DLG5: variants seen among roughly 807,000 people sequenced by gnomAD.
DLG5 encodes disks large homolog 5.
DLG5 carries 48 observed loss-of-function variants against 189.8 expected under a neutral mutation model. The ratio of observed to expected loss-of-function variants is 0.25; its 90% CI spans 0.20 to 0.32. The LOEUF (loss-of-function observed/expected upper bound fraction) is 0.32. Among genes scored for constraint, DLG5 ranks in the 10% least tolerant of loss-of-function variants. The pLI, the probability that DLG5 is intolerant of heterozygous loss-of-function variation, is 1.00. For missense variants in DLG5, 2,160 were observed against 2,544.7 expected (o/e 0.85, Z 3.25); for synonymous variants, 1,016 against 1,054.1 (o/e 0.96, Z 0.70).
rs762790948 is a variant in DLG5 at position 77,811,189 on chromosome 10, A to G, written c.4368T>C (p.Ser1456=). Residue 1456 remains serine (S), a synonymous_variant, in exon 23 of 32, where the codon AGT becomes AGC. Transcript: ENST00000372391. ...ATGGATGCTCCGGGGTGGTGGTGCCACTGCCCTGGAGAGTGGAGTGGGTAC... is the reference window on the plus strand; with the variant it reads ...ATGGATGCTCCGGGGTGGTGGTGCCGCTGCCCTGGAGAGTGGAGTGGGTAC... ...PAGTHSTLQG[S]GTTTPEHPSV... The G allele has an allele frequency of 6.2e-7, 1 of 1,613,308 alleles. No individual in the cohort carries two copies. The highest frequency in any genetic ancestry group is 8.5e-7 in the Non-Finnish European group (1 of 1,179,950).
intron 1 of DLG5, among the ~76,000 whole-genome samples, chr10:77,899,491 T>C (rs894825375): frequency 2.0e-5 from 3 of 151,934 alleles, no homozygotes; most frequent in African/African-American, 7.3e-5. Flanking sequence ...ATGAGGAGAG[T>C]AGTGGCCTTC....
intron 2 of DLG5, among the ~76,000 whole-genome samples, chr10:77,857,890 G>A (rs11002317): frequency 0.28 from 41,911 of 152,108 alleles, 6,416 homozygotes; most frequent in Non-Finnish European, 0.35. Flanking sequence ...TGTCTGTTCC[G>A]CACTGGACCC....
chr10:77,844,285 A>C (rs1210890827), intron 5 of DLG5, among the ~76,000 whole-genome samples: 1 of 152,182 alleles, frequency 6.6e-6, no homozygotes, highest in Non-Finnish European at 1.5e-5. Context: ...GGAGGAATTA[A>C]GTGCCTCCGG....
chr10:77,830,949 C>A (rs531971218), intron 9 of DLG5, 76 bp from the exon 10 acceptor site: 5 of 1,533,742 alleles, frequency 3.3e-6, no homozygotes, highest in African/African-American at 1.4e-5. Context: ...CTGAACCTCA[C>A]GAGGCAGGCC....
At chr10:77,828,085 T>TAA (rs11437784) in intron 13 of DLG5, among the ~76,000 whole-genome samples, 12 of 150,850 alleles carry the variant, frequency 8.0e-5, no homozygotes, top group Admixed American at 2.0e-4. Flanking sequence ...TACATTTAGT[T>TAA]AAAAAAAAAG....
intron 1 of DLG5, among the ~76,000 whole-genome samples, chr10:77,871,286 G>A (rs1023572913): frequency 1.3e-5 from 2 of 152,106 alleles, no homozygotes; most frequent in Admixed American, 1.3e-4. Flanking sequence ...GGTATGAAAA[G>A]CCTGAGGGTG....
intron 1 of DLG5, among the ~76,000 whole-genome samples, chr10:77,914,541 C>T (rs2131846239): frequency 6.6e-6 from 1 of 152,248 alleles, no homozygotes; most frequent in South Asian, 2.1e-4. Context: ...AGATTTAAGC[C>T]CCAGTCTGTG....
intron 1 of DLG5, among the ~76,000 whole-genome samples, chr10:77,906,813 A>G (rs1482165547): frequency 2.0e-5 from 3 of 151,772 alleles, no homozygotes; most frequent in Admixed American, 6.6e-5. Flanking sequence ...TTCAGTAGAC[A>G]TGGGGTTTCA....
chr10:77,830,876 G>T lies in DLG5; in HGVS notation c.1749-3C>A. ...CCAACTGGGATTCCATCTGTTCCCT[G>T]TGAACAGAGAGAGCCACGGTGACAG... is the stretch of plus-strand genomic sequence containing the variant. On this transcript the variant is annotated splice_region_variant and splice_polypyrimidine_tract_variant and intron_variant, in intron 9 of 31. Transcript: ENST00000372391. 2 of 1,613,864 alleles carry T rather than the reference G, an allele frequency of 1.2e-6. No individual in the cohort carries two copies. The highest frequency in any genetic ancestry group is 2.7e-5 in the African/African-American group (2 of 75,036).
intron 1 of DLG5, among the ~76,000 whole-genome samples, chr10:77,908,064 C>G (rs574509608): frequency 1.3e-5 from 2 of 152,128 alleles, no homozygotes; most frequent in Non-Finnish European, 2.9e-5. Context: ...GTCACGGATC[C>G]CACTGCAGAG....
intron 6 of DLG5, among the ~76,000 whole-genome samples, chr10:77,842,613 G>A (rs544133788): frequency 6.6e-6 from 1 of 152,304 alleles, no homozygotes; most frequent in African/African-American, 2.4e-5. Context: ...AAGTTCGCTC[G>A]AAGAGCACAG....
intron 5 of DLG5, among the ~76,000 whole-genome samples, chr10:77,844,529 C>T (rs555103944): frequency 4.3e-4 from 66 of 152,320 alleles, no homozygotes; most frequent in African/African-American, 1.5e-3. Context: ...TAGGGTGACC[C>T]TCCATGGTGT....
chr10:77,914,925 A>G (rs1304997377), intron 1 of DLG5, among the ~76,000 whole-genome samples: 1 of 152,242 alleles, frequency 6.6e-6, no homozygotes, highest in East Asian at 1.9e-4. Context: ...ACCAGGCTTC[A>G]TTCTTGGCGA....
At chr10:77,916,157 C>T (rs1343672951) in intron 1 of DLG5, among the ~76,000 whole-genome samples, 1 of 152,050 alleles carries the variant, frequency 6.6e-6, no homozygotes, top group Admixed American at 6.6e-5. Context: ...GAGGTTGAGG[C>T]CACAGTAAGC....
At position 77,807,836 on chromosome 10, in the gene DLG5, T is replaced by A. The variant is rs1400387295; in HGVS notation, c.4756A>T (p.Thr1586Ser). 1.2e-6 allele frequency: 2 copies of A among 1,613,990 alleles called. No homozygotes were observed. Among genetic ancestry groups the A allele is most frequent in the African/African-American group, 2.7e-5 (2 of 74,908 alleles). ...TCACCAGGCAGGCCCTTGGCCTTCG[T>A]GAACTCCTCAGGGCGGTACTGCACC... Reference protein sequence around the residue: ...LKVQYRPEEFTKAKGLPGDSF... With the variant: ...LKVQYRPEEFSKAKGLPGDSF... The change falls in exon 25 of 32, where the codon ACG becomes TCG. Residue 1586 changes from threonine to serine, a missense_variant. Transcript: ENST00000372391.
At chr10:77,802,623 C>A (rs1418599986) in intron 27 of DLG5, among the ~76,000 whole-genome samples, 1 of 152,328 alleles carries the variant, frequency 6.6e-6, no homozygotes, top group African/African-American at 2.4e-5. Flanking sequence ...CAGTGCCTTG[C>A]GCCTGTAATC....
intron 2 of DLG5, among the ~76,000 whole-genome samples, chr10:77,861,496 CA>C (rs1844468516): frequency 6.6e-6 from 1 of 152,176 alleles, no homozygotes; most frequent in Admixed American, 6.5e-5. Context: ...AGGAGGGGCT[CA>C]GAGCCATCCC....
At chr10:77,854,659 G>A (rs557642811) in intron 3 of DLG5, among the ~76,000 whole-genome samples, 3 of 152,166 alleles carry the variant, frequency 2.0e-5, no homozygotes. Flanking sequence ...TGTACAACAG[G>A]TCTGAGTCCA....
At position 77,836,041 on chromosome 10, in the gene DLG5, G is replaced by C. The variant is rs535654044; in HGVS notation, c.1438-119C>G. The C allele has an allele frequency of 2.7e-5, 29 of 1,069,656 alleles. No individual in the cohort carries two copies. The Admixed American group carries it at 3.5e-4, about 13-fold the overall frequency. 66.3% of individuals were successfully genotyped at this position (1,069,656 alleles called of 1,614,324 possible). On this transcript the variant is annotated intron_variant, in intron 7 of 31. Coordinates refer to ENST00000372391, the MANE Select transcript of DLG5 (RefSeq NM_004747.4). The stretch of plus-strand genomic sequence containing the variant: ...TAGGGAGCTGGATGGAGGGAAACAC[G>C]GAGCCCATCGCAGCACACCCCATAC...
Sources: gnomAD v4.1 joint callset for allele counts (sites outside exome capture counted in the v4.1 genomes callset) on GRCh38, gnomAD v4.1.1 for gene constraint, MANE v1.5 for transcripts, NCBI Gene and HGNC (gene_info 2026-07-23, HGNC 2026-07-21) for gene names.